Variants in GRK3 observed in about 807,000 individuals in gnomAD.
GRK3 encodes adrenergic, beta, receptor kinase 2.
In GRK3, 54 loss-of-function variants were observed where a neutral mutation model predicts 95.7. That is an observed-to-expected ratio of 0.56 (90% confidence interval 0.45 to 0.71). GRK3 has a LOEUF of 0.71. Among genes scored for constraint, GRK3 ranks in the 30% least tolerant of loss-of-function variants. The pLI, the probability that GRK3 is intolerant of heterozygous loss-of-function variation, is 0.00. For synonymous variants in GRK3, 281 were observed against 290.8 expected (o/e 0.97, Z 0.34); for missense variants, 649 against 851.2 (o/e 0.76, Z 2.96).
chr22:25,695,213 G>C lies in GRK3; in HGVS notation c.1159G>C (p.Gly387Arg). ...LGCMLFKLLR[G>R]HSPFRQHKTK... Reference sequence around the variant, plus strand: ...CTGCATGCTTTTCAAACTTCTGAGAGGGTGAGTTGAAATGCATCCTTCTAG... The same window carrying C: ...CTGCATGCTTTTCAAACTTCTGAGACGGTGAGTTGAAATGCATCCTTCTAG... The change falls in exon 13 of 21, where the codon GGT becomes CGT. Residue 387 changes from glycine to arginine, a missense_variant and splice_region_variant. Around this residue, in one of 3 missense-constraint regions of GRK3, gnomAD observed 382 missense variants for 493.8 expected, o/e 0.77. Transcript: ENST00000324198. The C allele has an allele frequency of 6.2e-7, 1 of 1,612,570 alleles. No homozygotes were observed. Among genetic ancestry groups the C allele is most frequent in the Non-Finnish European group, 8.5e-7 (1 of 1,178,614 alleles).
At chr22:25,601,263 A>G (rs948246654) in intron 1 of GRK3, among the ~76,000 whole-genome samples, 1 of 152,234 alleles carries the variant, frequency 6.6e-6, no homozygotes, top group African/African-American at 2.4e-5. Context: ...TCTAGGCAAT[A>G]AAACACATAT....
intron 13 of GRK3, among the ~76,000 whole-genome samples, chr22:25,701,697 G>A (rs2085260094): frequency 6.6e-6 from 1 of 152,156 alleles, no homozygotes; most frequent in African/African-American, 2.4e-5. Context: ...GGGTCCTCTG[G>A]CTTTGCACGC....
intron 1 of GRK3, among the ~76,000 whole-genome samples, chr22:25,569,752 G>A (rs182449222): frequency 1.4e-3 from 217 of 152,312 alleles, no homozygotes; most frequent in East Asian, 3.9e-3. Context: ...GAAGTTTAAC[G>A]TCCATGATGT....
chr22:25,586,330 T>C (rs1485314781), intron 1 of GRK3, among the ~76,000 whole-genome samples: 2 of 152,290 alleles, frequency 1.3e-5, no homozygotes, highest in East Asian at 3.8e-4. Flanking sequence ...CTATAGTCAA[T>C]AATAACTTAA....
intron 2 of GRK3, among the ~76,000 whole-genome samples, chr22:25,636,217 T>G (rs2084700281): frequency 6.6e-6 from 1 of 152,212 alleles, no homozygotes; most frequent in Non-Finnish European, 1.5e-5. Context: ...TGGAGAATAG[T>G]GTTTAGCAGC....
chr22:25,658,687 AGAGCCT>A (rs932651265), intron 3 of GRK3, among the ~76,000 whole-genome samples: 45 of 152,354 alleles, frequency 3.0e-4, no homozygotes, highest in African/African-American at 1.1e-3. Context: ...GACCAGAAGC[AGAGCCT>A]GAGTTTGTGT....
intron 15 of GRK3, among the ~76,000 whole-genome samples, chr22:25,705,275 T>C (rs548376408): frequency 6.6e-6 from 1 of 152,312 alleles, no homozygotes; most frequent in East Asian, 1.9e-4. Context: ...CTCTGTAGCT[T>C]TAAATTCCAT....
rs1011469431 is a variant in GRK3, at chr22:25,726,694, T to C, written c.*4244T>C. Reference sequence around the variant, plus strand: ...GTTAAAATAGGTGAAGTTTCTTTTTTCCCCCCTGTAACAGGAGAGTTTTCC... The same window carrying C: ...GTTAAAATAGGTGAAGTTTCTTTTTCCCCCCCTGTAACAGGAGAGTTTTCC... On this transcript the variant is annotated 3_prime_UTR_variant, in exon 21 of 21. Coordinates refer to ENST00000324198, the MANE Select transcript of GRK3 (RefSeq NM_005160.4). The C allele has an allele frequency of 6.6e-6, 1 of 152,104 alleles. No individual in the cohort carries two copies. The allele number at this position is 152,104 out of a possible 1,614,324, so 9.4% of individuals were successfully genotyped here. A position where few individuals can be genotyped will look rare whatever the true frequency, so the allele number is the denominator to read the frequency against.
chr22:25,622,407 G>A (rs112080868), intron 2 of GRK3, among the ~76,000 whole-genome samples: 82 of 152,292 alleles, frequency 5.4e-4, no homozygotes, highest in African/African-American at 1.9e-3. Flanking sequence ...ACCGAGTAGC[G>A]CTTACATAGG....
At position 25,698,853 on chromosome 22, in the gene GRK3, G is replaced by A. The variant is rs547411000; in HGVS notation, c.1160+3639G>A. Reference sequence around the variant, plus strand: ...GAACCTGACAGGAGCAAATGACATGGCGGCATTGCAGAGTTAGCTTCTGTA... The same window carrying A: ...GAACCTGACAGGAGCAAATGACATGACGGCATTGCAGAGTTAGCTTCTGTA... On this transcript the variant is annotated intron_variant, in intron 13 of 20. Coordinates refer to ENST00000324198, the MANE Select transcript of GRK3 (RefSeq NM_005160.4). Among the ~76,000 whole-genome samples, 10 of 152,294 alleles carry A rather than the reference G, an allele frequency of 6.6e-5. No homozygotes were observed. The South Asian group carries it at 1.7e-3, about 25-fold the overall frequency.
intron 3 of GRK3, among the ~76,000 whole-genome samples, chr22:25,649,395 C>G (rs1157881124): frequency 6.6e-6 from 1 of 152,014 alleles, no homozygotes; most frequent in African/African-American, 2.4e-5. Flanking sequence ...TTTTTTTACC[C>G]CAAGTATTAA....
intron 13 of GRK3, among the ~76,000 whole-genome samples, chr22:25,697,239 G>A (rs2085216436): frequency 6.6e-6 from 1 of 152,228 alleles, no homozygotes. Context: ...ATAGGCTGGG[G>A]AGGATTTGCT....
intron 10 of GRK3, among the ~76,000 whole-genome samples, 164 bp downstream of exon 10, chr22:25,685,412 C>G (rs1331469294): frequency 1.3e-5 from 2 of 152,176 alleles, no homozygotes; most frequent in Non-Finnish European, 2.9e-5. Flanking sequence ...ACTGAAAATT[C>G]ATTTTTCAAT....
chr22:25,645,360 G>T (rs1274557866), intron 3 of GRK3, among the ~76,000 whole-genome samples: 1 of 152,204 alleles, frequency 6.6e-6, no homozygotes, highest in East Asian at 1.9e-4. Flanking sequence ...TTGATTTCAG[G>T]TGTAGCAGGC....
chr22:25,619,699 C>T (rs1221130499), intron 2 of GRK3, among the ~76,000 whole-genome samples: 1 of 143,474 alleles, frequency 7.0e-6, no homozygotes, highest in Non-Finnish European at 1.5e-5. Context: ...TGGCTGTTGC[C>T]CAGGCTGGTT....
At chr22:25,571,186 T>C (rs973903994) in intron 1 of GRK3, among the ~76,000 whole-genome samples, 1 of 152,148 alleles carries the variant, frequency 6.6e-6, no homozygotes, top group Non-Finnish European at 1.5e-5. Flanking sequence ...CTGTCATTGC[T>C]GGGCCCCTCG....
chr22:25,610,294 C>T (rs1324611417), intron 2 of GRK3, among the ~76,000 whole-genome samples: 37 of 152,268 alleles, frequency 2.4e-4, no homozygotes. Flanking sequence ...GAGACCCTAT[C>T]TGTATAGAAA....
intron 7 of GRK3, among the ~76,000 whole-genome samples, chr22:25,672,988 G>T (rs2084995272): frequency 6.7e-6 from 1 of 149,154 alleles, no homozygotes; most frequent in African/African-American, 2.5e-5. Flanking sequence ...GCTTGCAATT[G>T]GGCAAAACAA....
At chr22:25,659,379 C>T (rs2084895227) in intron 3 of GRK3, among the ~76,000 whole-genome samples, 1 of 152,088 alleles carries the variant, frequency 6.6e-6, no homozygotes, top group Non-Finnish European at 1.5e-5. Flanking sequence ...AAAGGGTGGG[C>T]GCAGAAGCAG....
Sources: gnomAD v4.1 joint callset for allele counts (sites outside exome capture counted in the v4.1 genomes callset) on GRCh38, gnomAD v4.1.1 for gene constraint, gnomAD v4.1.1 regional missense constraint, MANE v1.5 for transcripts, NCBI Gene and HGNC (gene_info 2026-07-23, HGNC 2026-07-21) for gene names.